The following IQSEC1 variants were observed in gnomAD, a reference collection of about 807,000 sequenced individuals.
The protein encoded by IQSEC1 is IQ motif and SEC7 domain-containing protein 1.
IQSEC1 carries 31 observed loss-of-function variants against 91.0 expected under a neutral mutation model. The observed-to-expected ratio is 0.34, with a 90% CI of 0.26 to 0.46. The LOEUF (loss-of-function observed/expected upper bound fraction) is 0.46, where lower values mean the gene tolerates loss of function less well. Among genes scored for constraint, IQSEC1 ranks in the 20% least tolerant of loss-of-function variants. The probability of loss-of-function intolerance (pLI) is 1.00; values close to 1 mark genes in which losing one functional copy is unlikely to be tolerated. For missense variants in IQSEC1, 1,388 were observed against 1,575.6 expected (o/e 0.88, Z 2.02); for synonymous variants, 699 against 662.6 (o/e 1.05, Z -0.84).
chr3:13,044,691 C>A (rs1257628603), intron 1 of IQSEC1, among the ~76,000 whole-genome samples: 2 of 152,208 alleles, frequency 1.3e-5, no homozygotes, highest in Admixed American at 6.5e-5. Context: ...CCTCCCCCGC[C>A]CCCCCACACT....
chr3:13,034,349 A>T (rs1267262882), intron 1 of IQSEC1, among the ~76,000 whole-genome samples: 2 of 152,232 alleles, frequency 1.3e-5, no homozygotes, highest in Non-Finnish European at 2.9e-5. Context: ...CACGTGCTAA[A>T]TCCAGCAGTT....
chr3:13,030,610 A>G lies in IQSEC1; in HGVS notation c.23+42382T>C, dbSNP rs990605389. On this transcript the variant is annotated intron_variant, in intron 1 of 13. Transcript: ENST00000613206. ...CCTAATCCTGAATGTGGGACATGCC[A>G]CAGGCAAATGGCCCTGTTCCTTCAA... Among the ~76,000 whole-genome samples, 11 of 152,266 alleles carry G rather than the reference A, an allele frequency of 7.2e-5. No homozygotes were observed. In the East Asian group the frequency reaches 2.1e-3, roughly 29 times the overall value.
intron 1 of IQSEC1, among the ~76,000 whole-genome samples, chr3:13,070,732 T>G (rs1705385600): frequency 6.6e-6 from 1 of 152,210 alleles, no homozygotes. Context: ...GGAGTCACAA[T>G]GCTCAGACTG....
At chr3:13,253,786 G>A (rs534010882) in intron 1 of IQSEC1, among the ~76,000 whole-genome samples, 138 of 152,246 alleles carry the variant, frequency 9.1e-4, no homozygotes, top group Admixed American at 1.4e-3. Context: ...AAAAGGCCAC[G>A]GTTTTATCTG....
intron 1 of IQSEC1, among the ~76,000 whole-genome samples, chr3:13,217,080 A>C (rs1290241045): frequency 6.6e-6 from 1 of 151,966 alleles, no homozygotes; most frequent in Non-Finnish European, 1.5e-5. Flanking sequence ...TTTTGATTTT[A>C]TTCTTAGTGC....
At chr3:12,941,444 C>G in intron 2 of IQSEC1, 127 bp downstream of exon 2, 1 of 970,972 alleles carries the variant, frequency 1.0e-6, no homozygotes, top group Non-Finnish European at 1.5e-6. Flanking sequence ...AGCCCTCAGC[C>G]TTAGCCCACA....
chr3:13,190,247 G>T (rs1693998843), intron 1 of IQSEC1, among the ~76,000 whole-genome samples: 1 of 152,168 alleles, frequency 6.6e-6, no homozygotes, highest in Non-Finnish European at 1.5e-5. Flanking sequence ...TCCAGTTCTG[G>T]TCCAGACCCT....
At chr3:13,091,083 T>C (rs1373340382) in intron 2 of IQSEC1, among the ~76,000 whole-genome samples, 4 of 152,150 alleles carry the variant, frequency 2.6e-5, no homozygotes, top group African/African-American at 9.7e-5. Context: ...TCTACGGCCT[T>C]CTCCCAGAGA....
intron 1 of IQSEC1, among the ~76,000 whole-genome samples, chr3:13,009,299 G>A (rs1702770928): frequency 6.6e-6 from 1 of 152,206 alleles, no homozygotes; most frequent in Admixed American, 6.5e-5. Flanking sequence ...TGGTGGCGGT[G>A]AAGCTAAATG....
chr3:12,989,946 G>A (rs1701912403), intron 1 of IQSEC1, among the ~76,000 whole-genome samples: 1 of 152,182 alleles, frequency 6.6e-6, no homozygotes, highest in Non-Finnish European at 1.5e-5. Context: ...GACCCCAGCT[G>A]CTGCTCAAGG....
intron 1 of IQSEC1, among the ~76,000 whole-genome samples, chr3:13,066,064 T>C (rs1365223674): frequency 6.6e-6 from 1 of 152,150 alleles, no homozygotes; most frequent in Non-Finnish European, 1.5e-5. Context: ...GAATGGTGGG[T>C]GCCAGGGGCT....
chr3:12,907,876 T>C (rs903922677), intron 12 of IQSEC1, among the ~76,000 whole-genome samples: 1 of 152,146 alleles, frequency 6.6e-6, no homozygotes, highest in African/African-American at 2.4e-5. Flanking sequence ...AGGCCCGGGT[T>C]TCCCAGGAGA....
At chr3:13,030,774 G>C (rs1394730235) in intron 1 of IQSEC1, among the ~76,000 whole-genome samples, 3 of 152,234 alleles carry the variant, frequency 2.0e-5, no homozygotes, top group Non-Finnish European at 4.4e-5. Context: ...GACCCTTTGG[G>C]AGAGCTGAAC....
chr3:13,001,064 C>T (rs1013599101), intron 1 of IQSEC1, among the ~76,000 whole-genome samples: 5 of 151,644 alleles, frequency 3.3e-5, no homozygotes, highest in African/African-American at 4.9e-5. Context: ...AATTCTCCTG[C>T]CTCAGGCCTC....
chr3:13,242,744 C>A lies in IQSEC1; in HGVS notation c.272+39967G>T, dbSNP rs79130532. ...TAAAGTGGCTCACCTGAAAACGAAG[C>A]CTTTTCCTTTGTGAAGCCCCTTCAG... is the stretch of plus-strand genomic sequence containing the variant. On this transcript the variant is annotated intron_variant, in intron 1 of 15. Transcript: ENST00000648114. Among the ~76,000 whole-genome samples, 405 of 152,278 alleles carry A rather than the reference C, an allele frequency of 2.7e-3. 6 individuals carry two copies. The highest frequency in any genetic ancestry group is 9.1e-3 in the African/African-American group (380 of 41,552).
chr3:13,151,159 C>A (rs1706991775), intron 2 of IQSEC1, among the ~76,000 whole-genome samples: 1 of 152,242 alleles, frequency 6.6e-6, no homozygotes. Flanking sequence ...GTACCAGCAA[C>A]CTCGTTGCAA....
At chr3:12,915,314 A>C (rs527700547) in intron 7 of IQSEC1, among the ~76,000 whole-genome samples, 181 bp from the exon 8 acceptor site, 1 of 152,302 alleles carries the variant, frequency 6.6e-6, no homozygotes. Flanking sequence ...CCACCCAGGA[A>C]AGCCTGCCAG....
In IQSEC1 at chr3:12,908,676, A is replaced by G. The variant is rs1559607602; in HGVS notation, c.2579-151T>C. 1.5e-5 allele frequency: 12 copies of G among 800,588 alleles called. No individual in the cohort carries two copies. Among genetic ancestry groups the G allele is most frequent in the Non-Finnish European group, 2.0e-5 (10 of 499,654 alleles). The allele number at this position is 800,588 out of a possible 1,614,324, so 49.6% of individuals were successfully genotyped here. ...TTCTGGGAAAGAGGGTGTGATGGCC[A>G]CCCTGGACAAAAGAGCAGAAAGGAG... On this transcript the variant is annotated intron_variant, in intron 11 of 13. Coordinates refer to ENST00000613206, the MANE Select transcript of IQSEC1 (RefSeq NM_001134382.3). This position sits in a 1 kb window ranked among gnomAD's most constrained non-coding sequence, Gnocchi z 4.9.
intron 2 of IQSEC1, among the ~76,000 whole-genome samples, chr3:13,135,900 G>A (rs538706047): frequency 1.3e-5 from 2 of 152,334 alleles, no homozygotes; most frequent in Non-Finnish European, 2.9e-5. Context: ...CGCAGACCCC[G>A]TGCCTAGCAT....
Sources: gnomAD v4.1 joint callset for allele counts (sites outside exome capture counted in the v4.1 genomes callset) on GRCh38, gnomAD v4.1.1 for gene constraint, Gnocchi (gnomAD v3.1) non-coding constraint, MANE v1.5 for transcripts, NCBI Gene and HGNC (gene_info 2026-07-23, HGNC 2026-07-21) for gene names.